Variants in NEK1 observed in about 807,000 individuals in gnomAD.
NEK1 encodes the protein serine/threonine-protein kinase Nek1.
A neutral mutation model predicts 182.1 loss-of-function variants in NEK1; 137 were observed. The ratio of observed to expected loss-of-function variants is 0.75; its 90% CI spans 0.65 to 0.87. The LOEUF is 0.87. NEK1 is among the 40% of genes least tolerant of loss of function. The probability of loss-of-function intolerance (pLI) is 0.00; values close to 1 mark genes in which losing one functional copy is unlikely to be tolerated. For synonymous variants in NEK1, 513 were observed against 492.2 expected (o/e 1.04, Z -0.56); for missense variants, 1,391 against 1,494.4 (o/e 0.93, Z 1.14).
At chr4:169,503,475 C>A (rs922775443) in intron 23 of NEK1, among the ~76,000 whole-genome samples, 4 of 152,270 alleles carry the variant, frequency 2.6e-5, no homozygotes, top group African/African-American at 9.6e-5. Flanking sequence ...TCGAATTATA[C>A]TACAGAGCTG....
At chr4:169,461,884 G>A (rs1210918829) in intron 27 of NEK1, among the ~76,000 whole-genome samples, 1 of 151,954 alleles carries the variant, frequency 6.6e-6, no homozygotes, top group Non-Finnish European at 1.5e-5. Flanking sequence ...ACATATAATA[G>A]TGAACACAAC....
At chr4:169,508,362 A>C in intron 20 of NEK1, 31 bp from the exon 21 acceptor site, 5 of 1,501,104 alleles carry the variant, frequency 3.3e-6, no homozygotes, top group Non-Finnish European at 4.5e-6. Context: ...CAACATAATA[A>C]TGTAAAAGCA....
chr4:169,528,038 T>TA (rs915651433), intron 19 of NEK1, among the ~76,000 whole-genome samples: 8 of 151,876 alleles, frequency 5.3e-5, no homozygotes, highest in African/African-American at 1.9e-4. Context: ...TATAATACTA[T>TA]AAAAAAAATT....
At chr4:169,502,059 C>T (rs1221285799) in intron 23 of NEK1, among the ~76,000 whole-genome samples, 4 of 151,788 alleles carry the variant, frequency 2.6e-5, no homozygotes, top group Admixed American at 2.6e-4. Context: ...ACAAAGGTGA[C>T]ATTACAACGG....
At chr4:169,607,619 C>T (rs1194527821) in intron 2 of NEK1, among the ~76,000 whole-genome samples, 1 of 151,978 alleles carries the variant, frequency 6.6e-6, no homozygotes, top group Non-Finnish European at 1.5e-5. Flanking sequence ...CCTGCCACCA[C>T]GCCCGGCTAA....
chr4:169,499,646 T>C (rs558801408), intron 23 of NEK1, among the ~76,000 whole-genome samples: 50 of 152,338 alleles, frequency 3.3e-4, no homozygotes, highest in Non-Finnish European at 6.3e-4. Context: ...TGCAGGTCTG[T>C]TGGAGTTTGC....
At chr4:169,523,003 AC>A (rs1408750093) in intron 19 of NEK1, among the ~76,000 whole-genome samples, 1 of 152,184 alleles carries the variant, frequency 6.6e-6, no homozygotes, top group Non-Finnish European at 1.5e-5. Flanking sequence ...TAGCCAGCTC[AC>A]CTTCTTTCTG....
chr4:169,491,800 G>A (rs148619434), intron 23 of NEK1, among the ~76,000 whole-genome samples: 1,649 of 152,280 alleles, frequency 0.011, 13 homozygotes, highest in Non-Finnish European at 0.017. Flanking sequence ...AAAAACAACT[G>A]TAATTGCATT....
chr4:169,450,054 C>T (rs771703148), intron 27 of NEK1, among the ~76,000 whole-genome samples: 8 of 151,942 alleles, frequency 5.3e-5, no homozygotes, highest in Non-Finnish European at 8.8e-5. Flanking sequence ...ATAGCTGATT[C>T]GATCAAGTGG....
At chr4:169,591,146 C>T (rs956419648) in intron 5 of NEK1, among the ~76,000 whole-genome samples, 7 of 144,538 alleles carry the variant, frequency 4.8e-5, no homozygotes, top group African/African-American at 1.9e-4. Flanking sequence ...TCTATAACGC[C>T]CCCCCCCCAC....
At chr4:169,430,951 ACCAATACAG>A (rs1043198004) in intron 29 of NEK1, among the ~76,000 whole-genome samples, 9 of 152,108 alleles carry the variant, frequency 5.9e-5, no homozygotes, top group Admixed American at 5.9e-4. Context: ...AGTTAAAAAA[ACCAATACAG>A]CCAATACAGC....
chr4:169,555,705 T>C lies in NEK1; in HGVS notation c.1562+15A>G. 6.2e-7 allele frequency: 1 copy of C among 1,613,654 alleles called. No homozygotes were observed. Among genetic ancestry groups the C allele is most frequent in the Non-Finnish European group, 8.5e-7 (1 of 1,179,674 alleles). On this transcript the variant is annotated intron_variant, in intron 18 of 35. Coordinates refer to ENST00000507142, the MANE Select transcript of NEK1 (RefSeq NM_001199397.3). ...TTACACACATGGATGAATTCATGGA[T>C]CATCACAGTCCAACCTGTTTGCATT...
chr4:169,494,152 G>A (rs1750673904), intron 23 of NEK1, among the ~76,000 whole-genome samples: 1 of 151,676 alleles, frequency 6.6e-6, no homozygotes, highest in Non-Finnish European at 1.5e-5. Context: ...ACAACGTGCA[G>A]GTTTGTTACA....
chr4:169,473,408 C>G (rs970045535), intron 26 of NEK1, among the ~76,000 whole-genome samples: 4 of 151,976 alleles, frequency 2.6e-5, no homozygotes, highest in Non-Finnish European at 4.4e-5. Context: ...GTACCAATAC[C>G]AATTACCTAT....
At chr4:169,465,891 T>C (rs968933498) in intron 26 of NEK1, among the ~76,000 whole-genome samples, 1 of 152,092 alleles carries the variant, frequency 6.6e-6, no homozygotes, top group African/African-American at 2.4e-5. Context: ...GTCAAGAATA[T>C]TTATAGAAAT....
intron 26 of NEK1, among the ~76,000 whole-genome samples, chr4:169,467,317 G>GT (rs1367371552): frequency 6.6e-6 from 1 of 151,892 alleles, no homozygotes; most frequent in Non-Finnish European, 1.5e-5. Context: ...CCCAACCCCC[G>GT]TATTATTCAA....
At chr4:169,417,640 T>C (rs529487418) in intron 31 of NEK1, among the ~76,000 whole-genome samples, 1 of 152,316 alleles carries the variant, frequency 6.6e-6, no homozygotes, top group African/African-American at 2.4e-5. Flanking sequence ...GCCCAGGACA[T>C]AGCCTTAAAA....
intron 27 of NEK1, among the ~76,000 whole-genome samples, chr4:169,450,513 G>C (rs2149463941): frequency 6.6e-6 from 1 of 152,268 alleles, no homozygotes; most frequent in South Asian, 2.1e-4. Flanking sequence ...GAAGACAGTG[G>C]GGGCCATTAT....
chr4:169,489,428 G>T (rs1189162845), intron 23 of NEK1, among the ~76,000 whole-genome samples: 1 of 152,166 alleles, frequency 6.6e-6, no homozygotes, highest in Non-Finnish European at 1.5e-5. Flanking sequence ...TTTGACCAGA[G>T]TGACTTAAGA....
Sources: allele counts gnomAD v4.1 joint callset (sites outside exome capture counted in the v4.1 genomes callset), GRCh38; gene constraint gnomAD v4.1.1; transcripts MANE v1.5; gene names NCBI Gene and HGNC (gene_info 2026-07-23, HGNC 2026-07-21).